SFT2D1: variants seen among roughly 807,000 people sequenced by gnomAD.
SFT2D1 encodes vesicle transport protein SFT2A.
Under a neutral mutation model 28.1 loss-of-function variants are expected in SFT2D1, and 24 were observed. The ratio of observed to expected loss-of-function variants is 0.85; its 90% CI spans 0.62 to 1.20. The LOEUF (loss-of-function observed/expected upper bound fraction) is 1.20, where lower values mean the gene tolerates loss of function less well. Among genes scored for constraint, SFT2D1 ranks in the 50% most tolerant of loss-of-function variants. SFT2D1 has a pLI of 0.00. For synonymous variants in SFT2D1, 82 were observed against 73.7 expected (o/e 1.11, Z -0.58); for missense variants, 181 against 190.9 (o/e 0.95, Z 0.31).
At chr6:166,330,412 T>C (rs1258203373) in intron 1 of SFT2D1, among the ~76,000 whole-genome samples, 165 bp from the exon 2 acceptor site, 3 of 152,226 alleles carry the variant, frequency 2.0e-5, no homozygotes, top group African/African-American at 7.2e-5. Flanking sequence ...AAGGGTAATA[T>C]GACCATGGTC....
In SFT2D1 at chr6:166,320,269, A is replaced by G; in HGVS notation, c.441-13T>C. 1 of 1,608,434 alleles carries G rather than the reference A, an allele frequency of 6.2e-7. No individual in the cohort carries two copies. On this transcript the variant is annotated splice_polypyrimidine_tract_variant and intron_variant, in intron 7 of 7. Transcript: ENST00000361731. ...AATAACTGCATCCCTGGTGGAAAAG[A>G]GAGGGAAAAAAACAGAATATAATAT...
At chr6:166,338,412 C>G (rs1778702810) in intron 1 of SFT2D1, among the ~76,000 whole-genome samples, 1 of 152,116 alleles carries the variant, frequency 6.6e-6, no homozygotes, top group African/African-American at 2.4e-5. Context: ...AGCGTACTTA[C>G]ATTCAGATGG....
At chr6:166,337,138 C>T (rs1351305414) in intron 1 of SFT2D1, among the ~76,000 whole-genome samples, 4 of 152,216 alleles carry the variant, frequency 2.6e-5, no homozygotes, top group Non-Finnish European at 4.4e-5. Context: ...GAGGTGCAGT[C>T]AAGGTCCCAG....
chr6:166,321,257 T>C (rs1599841), intron 7 of SFT2D1, among the ~76,000 whole-genome samples: 32,432 of 152,206 alleles, frequency 0.21, 3,696 homozygotes, highest in East Asian at 0.34. Flanking sequence ...AAAAAAGCTT[T>C]TACCTAGGCC....
intron 1 of SFT2D1, among the ~76,000 whole-genome samples, chr6:166,338,710 C>A (rs183198831): frequency 6.6e-6 from 1 of 152,208 alleles, no homozygotes. Flanking sequence ...CAGTGCAGGG[C>A]TGAGAGGCCA....
intron 1 of SFT2D1, among the ~76,000 whole-genome samples, chr6:166,332,166 T>TA (rs1378599505): frequency 3.3e-5 from 5 of 152,234 alleles, no homozygotes; most frequent in African/African-American, 1.2e-4. Context: ...ACTATACAGA[T>TA]TTCCTGACTC....
At chr6:166,335,158 CG>C in intron 1 of SFT2D1, 1 of 616,296 alleles carries the variant, frequency 1.6e-6, no homozygotes, top group South Asian at 1.4e-5. Context: ...CCAAAGAGGT[CG>C]AAGTGCTTCT....
At chr6:166,320,759 C>T (rs1778338039) in intron 7 of SFT2D1, among the ~76,000 whole-genome samples, 1 of 151,836 alleles carries the variant, frequency 6.6e-6, no homozygotes, top group South Asian at 2.1e-4. Context: ...TCAAGCCATC[C>T]ACCCGTCTCA....
chr6:166,325,377 C>A (rs1778424869), intron 5 of SFT2D1, among the ~76,000 whole-genome samples: 1 of 152,098 alleles, frequency 6.6e-6, no homozygotes, highest in Admixed American at 6.5e-5. Context: ...CTGCTTCAAA[C>A]CCATTTGGGA....
At chr6:166,331,872 GT>G (rs1400791426) in intron 1 of SFT2D1, among the ~76,000 whole-genome samples, 2 of 152,212 alleles carry the variant, frequency 1.3e-5, no homozygotes, top group Non-Finnish European at 2.9e-5. Context: ...TGAGGATTTA[GT>G]GAGAGGAAAA....
At chr6:166,328,021 C>T (rs1046224176) in intron 4 of SFT2D1, among the ~76,000 whole-genome samples, 3 of 152,080 alleles carry the variant, frequency 2.0e-5, no homozygotes, top group Admixed American at 6.5e-5. Flanking sequence ...TGGTCTTGAA[C>T]TCCTGCCATC....
intron 5 of SFT2D1, among the ~76,000 whole-genome samples, chr6:166,325,183 G>C (rs1304935989): frequency 6.6e-6 from 1 of 152,012 alleles, no homozygotes; most frequent in Non-Finnish European, 1.5e-5. Context: ...AGGTTCTATA[G>C]AGAGGTGCAA....
At chr6:166,323,281 T>C (rs1778389449) in intron 6 of SFT2D1, 1 of 164,098 alleles carries the variant, frequency 6.1e-6, no homozygotes, top group Non-Finnish European at 1.3e-5. Context: ...CTAGAGAAAA[T>C]AACCAAGAGA....
At chr6:166,324,296 A>T (rs1284000896) in intron 6 of SFT2D1, 5 of 404,360 alleles carry the variant, frequency 1.2e-5, no homozygotes, top group Non-Finnish European at 2.2e-5. Context: ...ATTAGAAAAA[A>T]GCAGAACATA....
intron 1 of SFT2D1, among the ~76,000 whole-genome samples, chr6:166,336,116 G>T (rs1436831445): frequency 6.6e-6 from 1 of 152,220 alleles, no homozygotes; most frequent in Non-Finnish European, 1.5e-5. Flanking sequence ...GCTGTGTAAA[G>T]TTAGTCTCCT....
chr6:166,336,084 A>C (rs532917891), intron 1 of SFT2D1, among the ~76,000 whole-genome samples: 12 of 152,328 alleles, frequency 7.9e-5, no homozygotes, highest in Admixed American at 7.8e-4. Context: ...AGACTGAATA[A>C]ATGTGTCCTT....
Position 166,320,192 on chromosome 6 carries a change from G to A in SFT2D1, c.*25C>T. ...AAACATAGAGTACCAACATTCAAGT[G>A]CTCTTTTCCACAAGTTTCTGATTTT... On this transcript the variant is annotated 3_prime_UTR_variant, in exon 8 of 8. Transcript: ENST00000361731. 6.2e-7 allele frequency: 1 copy of A among 1,606,230 alleles called. No individual in the cohort carries two copies. The highest frequency in any genetic ancestry group is 1.3e-5 in the African/African-American group (1 of 74,876).
intron 7 of SFT2D1, among the ~76,000 whole-genome samples, chr6:166,322,369 T>A (rs1289273403): frequency 6.6e-6 from 1 of 152,102 alleles, no homozygotes; most frequent in Admixed American, 6.5e-5. Context: ...ACAGACATTA[T>A]CATGGCAAGC....
At chr6:166,327,332 G>A (rs754478594) in intron 4 of SFT2D1, among the ~76,000 whole-genome samples, 1 of 152,106 alleles carries the variant, frequency 6.6e-6, no homozygotes, top group African/African-American at 2.4e-5. Flanking sequence ...TACACAAAAC[G>A]ATGATCAGCT....
Sources: gnomAD v4.1 joint callset for allele counts (sites outside exome capture counted in the v4.1 genomes callset) on GRCh38, gnomAD v4.1.1 for gene constraint, MANE v1.5 for transcripts, NCBI Gene and HGNC (gene_info 2026-07-23, HGNC 2026-07-21) for gene names.